Variants in NPAS3 observed in about 807,000 individuals in gnomAD.
NPAS3 encodes neuronal PAS domain-containing protein 3.
NPAS3 carries 14 observed loss-of-function variants against 73.1 expected under a neutral mutation model. The observed-to-expected ratio is 0.19, with a 90% CI of 0.13 to 0.30. The LOEUF is 0.30. NPAS3 is among the 10% of genes least tolerant of loss of function. The pLI is 1.00. For missense variants in NPAS3, 1,096 were observed against 1,250.0 expected (o/e 0.88, Z 1.86); for synonymous variants, 620 against 541.5 (o/e 1.14, Z -2.01).
At chr14:33,376,335 A>T (rs2046311793) in intron 4 of NPAS3, among the ~76,000 whole-genome samples, 1 of 152,176 alleles carries the variant, frequency 6.6e-6, no homozygotes, top group Non-Finnish European at 1.5e-5. Flanking sequence ...ATTATATATA[A>T]AAACTGATGG....
chr14:33,673,142 C>A (rs1450987568), intron 5 of NPAS3, among the ~76,000 whole-genome samples: 1 of 152,198 alleles, frequency 6.6e-6, no homozygotes, highest in Non-Finnish European at 1.5e-5. Context: ...AGCCTCCTCC[C>A]TTCATGGTGT....
At position 32,992,803 on chromosome 14, in the gene NPAS3, G is replaced by A. The variant is rs908296739; in HGVS notation, c.50+53437G>A. The stretch of plus-strand genomic sequence containing the variant: ...AAAGTTTTACGTAACAAGAAGAATG[G>A]TAATATGAATAGTCAAAATAGGAAG... On this transcript the variant is annotated intron_variant, in intron 1 of 11. Transcript: ENST00000356141. 1.8e-4 allele frequency among the ~76,000 whole-genome samples: 27 copies of A among 152,108 alleles called. 1 individual carries two copies. The highest frequency in any genetic ancestry group is 6.3e-4 in the African/African-American group (26 of 41,406).
At chr14:33,016,853 G>A (rs754854371) in intron 1 of NPAS3, among the ~76,000 whole-genome samples, 22 of 152,010 alleles carry the variant, frequency 1.4e-4, no homozygotes, top group Non-Finnish European at 1.5e-4. Context: ...CATTCCAGGC[G>A]TTTCATAAAT....
intron 7 of NPAS3, among the ~76,000 whole-genome samples, chr14:33,761,190 T>C (rs866728362): frequency 5.3e-5 from 8 of 151,130 alleles, no homozygotes; most frequent in African/African-American, 2.0e-4. Context: ...ACTGACAGTT[T>C]TGATCCTAAC....
At chr14:33,590,100 T>C (rs1026402816) in intron 5 of NPAS3, among the ~76,000 whole-genome samples, 2 of 152,182 alleles carry the variant, frequency 1.3e-5, no homozygotes, top group African/African-American at 4.8e-5. Context: ...AAAATGCAGA[T>C]TATTTATATA....
intron 1 of NPAS3, among the ~76,000 whole-genome samples, chr14:33,046,984 A>G (rs1272582694): frequency 6.6e-6 from 1 of 152,104 alleles, no homozygotes; most frequent in African/African-American, 2.4e-5. Flanking sequence ...AAAAAATAAA[A>G]AAAGAACCAG....
chr14:33,563,104 G>T (rs2055734521), intron 5 of NPAS3, among the ~76,000 whole-genome samples: 2 of 152,156 alleles, frequency 1.3e-5, no homozygotes, highest in South Asian at 4.1e-4. Context: ...CAGTGAAATT[G>T]TTCAGGAGGA....
intron 1 of NPAS3, among the ~76,000 whole-genome samples, chr14:32,970,849 A>G (rs2037389379): frequency 6.6e-6 from 1 of 152,140 alleles, no homozygotes; most frequent in African/African-American, 2.4e-5. Flanking sequence ...CCATACTGGA[A>G]TAGAACCCAC....
intron 4 of NPAS3, among the ~76,000 whole-genome samples, chr14:33,417,318 A>C (rs1386276046): frequency 6.6e-6 from 1 of 152,018 alleles, no homozygotes; most frequent in Non-Finnish European, 1.5e-5. Context: ...TTATTCATAA[A>C]AATGTAGTGT....
At chr14:33,239,378 T>G (rs1382836445) in intron 3 of NPAS3, among the ~76,000 whole-genome samples, 3 of 151,914 alleles carry the variant, frequency 2.0e-5, no homozygotes, top group Admixed American at 2.0e-4. Flanking sequence ...ATGTTTGAAT[T>G]CAAAATTTTG....
intron 8 of NPAS3, among the ~76,000 whole-genome samples, chr14:33,774,926 C>T (rs550214520): frequency 1.3e-5 from 2 of 151,996 alleles, no homozygotes; most frequent in South Asian, 4.2e-4. Context: ...TTCACACAGA[C>T]GCTAAGCATG....
At chr14:33,049,694 A>G (rs1001749118) in intron 1 of NPAS3, among the ~76,000 whole-genome samples, 13 of 152,182 alleles carry the variant, frequency 8.5e-5, no homozygotes, top group South Asian at 2.1e-4. Flanking sequence ...GAGCCAAACA[A>G]TATCAATGTC....
intron 2 of NPAS3, among the ~76,000 whole-genome samples, chr14:33,199,738 C>A (rs2046542055): frequency 6.7e-6 from 1 of 148,602 alleles, no homozygotes; most frequent in South Asian, 2.2e-4. Flanking sequence ...CCCTCTTTCC[C>A]TCCCTTCCTC....
intron 1 of NPAS3, among the ~76,000 whole-genome samples, chr14:33,025,215 C>A (rs954823678): frequency 1.3e-5 from 2 of 152,188 alleles, no homozygotes; most frequent in Non-Finnish European, 2.9e-5. Context: ...TTGGATCAGA[C>A]AAATCTAGGT....
At chr14:33,607,254 A>C (rs74042349) in intron 5 of NPAS3, among the ~76,000 whole-genome samples, 46 of 152,320 alleles carry the variant, frequency 3.0e-4, no homozygotes, top group African/African-American at 1.0e-3. Flanking sequence ...ATAGTCAAAA[A>C]CTGGAAACAT....
chr14:32,979,713 G>T (rs544520555), intron 1 of NPAS3, among the ~76,000 whole-genome samples: 2 of 152,140 alleles, frequency 1.3e-5, no homozygotes, highest in South Asian at 4.1e-4. Flanking sequence ...TTTAAAGAAA[G>T]AACATTTTCC....
At chr14:33,720,827 A>C (rs1439760960) in intron 6 of NPAS3, among the ~76,000 whole-genome samples, 1 of 152,154 alleles carries the variant, frequency 6.6e-6, no homozygotes, top group African/African-American at 2.4e-5. Flanking sequence ...TTTTTTAAAG[A>C]GTCTTTTAAG....
chr14:33,244,062 A>G (rs1157612011), intron 3 of NPAS3, among the ~76,000 whole-genome samples: 1 of 151,948 alleles, frequency 6.6e-6, no homozygotes, highest in African/African-American at 2.4e-5. Flanking sequence ...GATTTCCTAT[A>G]CATGTTGGGT....
intron 2 of NPAS3, among the ~76,000 whole-genome samples, chr14:33,160,287 T>C (rs1267109086): frequency 6.6e-6 from 1 of 152,168 alleles, no homozygotes; most frequent in East Asian, 1.9e-4. Context: ...AACATGGTAA[T>C]ATAAAATCTA....
Sources: gnomAD v4.1 joint callset for allele counts (sites outside exome capture counted in the v4.1 genomes callset) on GRCh38, gnomAD v4.1.1 for gene constraint, MANE v1.5 for transcripts, NCBI Gene and HGNC (gene_info 2026-07-23, HGNC 2026-07-21) for gene names.